PARP8: variants seen among roughly 807,000 people sequenced by gnomAD.
PARP8 encodes the protein poly(ADP-ribose) polymerase family member 8.
In PARP8, 51 loss-of-function variants were observed where a neutral mutation model predicts 124.1. That is an observed-to-expected ratio of 0.41 (90% CI 0.33 to 0.52). The LOEUF (loss-of-function observed/expected upper bound fraction) is 0.52. Ranked by LOEUF, PARP8 falls within the 20% of genes least tolerant of loss-of-function variation. PARP8 has a pLI of 0.21. For missense variants in PARP8, 860 were observed against 1,018.9 expected, an observed-to-expected ratio of 0.84 and a Z score of 2.12; for synonymous variants, 391 against 361.5, an observed-to-expected ratio of 1.08 and a Z score of -0.93.
At chr5:50,750,793 TC>T (rs1759169754) in intron 3 of PARP8, among the ~76,000 whole-genome samples, 1 of 152,166 alleles carries the variant, frequency 6.6e-6, no homozygotes, top group African/African-American at 2.4e-5. Flanking sequence ...AGAATAGTAT[TC>T]TATAAAACTA....
chr5:50,756,526 A>T (rs1298116820), intron 3 of PARP8, among the ~76,000 whole-genome samples: 1 of 152,206 alleles, frequency 6.6e-6, no homozygotes, highest in Non-Finnish European at 1.5e-5. Flanking sequence ...ATGATCATCA[A>T]AGATCATGAG....
intron 23 of PARP8, 122 bp downstream of exon 23, chr5:50,832,976 A>C: frequency 1.2e-6 from 1 of 811,116 alleles, no homozygotes; most frequent in Non-Finnish European, 2.0e-6. Context: ...TTACTTATAA[A>C]GGAATAAAAC....
chr5:50,788,552 A>G lies in PARP8; in HGVS notation c.700A>G (p.Thr234Ala). Residue 234 changes from threonine to alanine, a missense_variant, in exon 10 of 26, where the codon ACA becomes GCA. By Grantham distance (58) the Thr-to-Ala change is moderately conservative. Transcript: ENST00000281631. ...VPTVDVFQISTKERFGLGHQL... is the reference protein window; with the variant it reads ...VPTVDVFQISAKERFGLGHQL... ...CACTGTTGATGTCTTTCAGATTTCC[A>G]CAAAAGAGCGATTTGGATTGGGACA... 6.2e-7 allele frequency: 1 copy of G among 1,613,464 alleles called. No homozygotes were observed. Among genetic ancestry groups the G allele is most frequent in the East Asian group, 2.2e-5 (1 of 44,830 alleles).
At chr5:50,744,128 G>T (rs1465835168) in intron 2 of PARP8, among the ~76,000 whole-genome samples, 1 of 152,134 alleles carries the variant, frequency 6.6e-6, no homozygotes, top group Non-Finnish European at 1.5e-5. Context: ...ATGAATTGGT[G>T]CATCGAAAAA....
At chr5:50,682,268 A>G (rs911002734) in intron 2 of PARP8, among the ~76,000 whole-genome samples, 17 of 152,180 alleles carry the variant, frequency 1.1e-4, no homozygotes, top group Admixed American at 3.9e-4. Context: ...GCGTGAATCA[A>G]TACACCTTGG....
At position 50,844,677 on chromosome 5, in the gene PARP8, A is replaced by G. The variant is rs1256261260; in HGVS notation, c.*2609A>G. On this transcript the variant is annotated 3_prime_UTR_variant, in exon 26 of 26. Transcript: ENST00000281631. ...GCCATTGCTACTTAGATAGTAACCC[A>G]CTGAGCAAAGGCAGTCATTTATTTT... 2 of 151,810 alleles carry G rather than the reference A, an allele frequency of 1.3e-5. No individual in the cohort carries two copies. The highest frequency in any genetic ancestry group is 4.8e-5 in the African/African-American group (2 of 41,412). The allele number at this position is 151,810 out of a possible 1,614,324, so 9.4% of individuals were successfully genotyped here.
chr5:50,793,805 A>G (rs1580360841), intron 10 of PARP8, among the ~76,000 whole-genome samples: 1 of 152,114 alleles, frequency 6.6e-6, no homozygotes, highest in East Asian at 1.9e-4. Flanking sequence ...AGTAACAAAA[A>G]TTTTCTTAAA....
intron 15 of PARP8, among the ~76,000 whole-genome samples, chr5:50,819,644 T>C (rs1745538088): frequency 6.6e-6 from 1 of 151,984 alleles, no homozygotes; most frequent in African/African-American, 2.4e-5. Context: ...TTTCACCACA[T>C]TGGCCAGGCT....
chr5:50,691,384 C>T (rs573656673), intron 2 of PARP8, among the ~76,000 whole-genome samples: 2 of 152,180 alleles, frequency 1.3e-5, no homozygotes, highest in South Asian at 4.1e-4. Context: ...TGGAATGTCT[C>T]CTTAGACGGG....
At chr5:50,720,737 G>GCCGTA (rs1299582305) in intron 2 of PARP8, among the ~76,000 whole-genome samples, 35 of 26,634 alleles carry the variant, frequency 1.3e-3, no homozygotes, top group African/African-American at 4.5e-3. Context: ...AGTAGTAACT[G>GCCGTA]CCATACTCCT....
intron 2 of PARP8, among the ~76,000 whole-genome samples, chr5:50,740,968 A>G (rs572555324): frequency 6.6e-6 from 1 of 152,202 alleles, no homozygotes; most frequent in African/African-American, 2.4e-5. Context: ...TTCCCTTTCC[A>G]TGACAAAGCC....
chr5:50,803,853 T>C (rs1743511098), intron 14 of PARP8, among the ~76,000 whole-genome samples: 1 of 152,164 alleles, frequency 6.6e-6, no homozygotes, highest in Admixed American at 6.6e-5. Context: ...CTTTCTTATT[T>C]CTTCGCATGC....
intron 2 of PARP8, among the ~76,000 whole-genome samples, chr5:50,736,988 T>G (rs1023793831): frequency 1.3e-5 from 2 of 152,136 alleles, no homozygotes; most frequent in African/African-American, 4.8e-5. Flanking sequence ...GGATTTGACT[T>G]TAAAAAGTGC....
chr5:50,822,081 T>C (rs769071055), intron 16 of PARP8, among the ~76,000 whole-genome samples: 3 of 152,166 alleles, frequency 2.0e-5, no homozygotes, highest in African/African-American at 7.2e-5. Context: ...CATAACTTTT[T>C]TGTGTTTCTA....
rs1215384993 is a variant in PARP8 at position 50,668,130 on chromosome 5, T to G, written c.146+5T>G. On this transcript the variant is annotated splice_donor_5th_base_variant and intron_variant, in intron 2 of 25. Transcript: ENST00000281631. ...CTACGTTGGCGGCCCCAGAAGGTAT[T>G]TATGTGTATAGAGTTGCTTCATTTC... 4 of 1,601,472 alleles carry G rather than the reference T, an allele frequency of 2.5e-6. No individual in the cohort carries two copies. The highest frequency in any genetic ancestry group is 3.4e-6 in the Non-Finnish European group (4 of 1,170,824).
intron 21 of PARP8, among the ~76,000 whole-genome samples, 192 bp downstream of exon 21, chr5:50,828,576 AC>A (rs971455318): frequency 2.0e-5 from 3 of 152,082 alleles, no homozygotes; most frequent in African/African-American, 7.2e-5. Context: ...AAAATGGATC[AC>A]ACAATGAAAA....
intron 9 of PARP8, 48 bp from the exon 10 acceptor site, chr5:50,788,475 G>A (rs759179782): frequency 1.3e-6 from 2 of 1,547,752 alleles, no homozygotes; most frequent in East Asian, 4.5e-5. Context: ...TGATGGTTGA[G>A]TTTCAGTTTC....
At chr5:50,793,249 G>C (rs1216029156) in intron 10 of PARP8, among the ~76,000 whole-genome samples, 9 of 152,174 alleles carry the variant, frequency 5.9e-5, no homozygotes. Context: ...TAACTGAAAA[G>C]AGCGTGAAAA....
At chr5:50,748,965 G>A (rs1272944530) in intron 2 of PARP8, among the ~76,000 whole-genome samples, 1 of 151,968 alleles carries the variant, frequency 6.6e-6, no homozygotes, top group African/African-American at 2.4e-5. Flanking sequence ...ACAAATGTTT[G>A]CTCTTTTGCT....
Sources: allele counts gnomAD v4.1 joint callset (sites outside exome capture counted in the v4.1 genomes callset), GRCh38; gene constraint gnomAD v4.1.1; transcripts MANE v1.5; gene names NCBI Gene and HGNC (gene_info 2026-07-23, HGNC 2026-07-21).